The following INTS6 variants were observed in gnomAD, a reference collection of about 807,000 sequenced individuals.
INTS6 encodes integrator complex subunit 6, also known as DEAD box protein.
In INTS6, 16 loss-of-function variants were observed where a neutral mutation model predicts 104.9. The ratio of observed to expected loss-of-function variants is 0.15; its 90% confidence interval spans 0.10 to 0.23. INTS6 has a LOEUF of 0.23. Ranked by LOEUF, INTS6 falls within the 10% of genes least tolerant of loss-of-function variation. The pLI is 1.00. For synonymous variants in INTS6, 324 were observed against 358.7 expected (o/e 0.90, Z 1.09); for missense variants, 584 against 1,062.8 (o/e 0.55, Z 6.26).
intron 4 of INTS6, among the ~76,000 whole-genome samples, chr13:51,429,534 G>A (rs1957045490): frequency 6.6e-6 from 1 of 151,842 alleles, no homozygotes; most frequent in Non-Finnish European, 1.5e-5. Context: ...GAGAGGCCAA[G>A]GCAGGTGGAT....
intron 4 of INTS6, among the ~76,000 whole-genome samples, chr13:51,403,210 C>T (rs1956471795): frequency 6.6e-6 from 1 of 152,128 alleles, no homozygotes; most frequent in African/African-American, 2.4e-5. Flanking sequence ...AAACAGATGT[C>T]TCCTAGCATA....
chr13:51,377,971 C>T (rs61956937), intron 12 of INTS6, among the ~76,000 whole-genome samples: 6,952 of 152,194 alleles, frequency 0.046, 186 homozygotes, highest in East Asian at 0.1. Context: ...CCATCCACTA[C>T]TGCAACTTAA....
intron 5 of INTS6, among the ~76,000 whole-genome samples, chr13:51,389,972 A>G (rs1475588920): frequency 6.6e-6 from 1 of 152,150 alleles, no homozygotes; most frequent in Non-Finnish European, 1.5e-5. Context: ...GCATTTTAAT[A>G]TACAGATGGT....
intron 4 of INTS6, among the ~76,000 whole-genome samples, chr13:51,403,167 T>C (rs1454121115): frequency 3.3e-5 from 5 of 152,060 alleles, no homozygotes; most frequent in Non-Finnish European, 7.4e-5. Flanking sequence ...ATAAAAGAAG[T>C]TTATTTTTAA....
intron 3 of INTS6, chr13:51,439,873 A>G (rs1952761086): frequency 1.3e-5 from 2 of 152,208 alleles, no homozygotes; most frequent in Non-Finnish European, 2.9e-5. Flanking sequence ...TACAGCTGAA[A>G]AATTCCTATC....
chr13:51,348,286 G>A, the INTS6 span: 30 of 1,611,684 alleles, frequency 1.9e-5, no homozygotes, highest in African/African-American at 2.8e-4. Context: ...CAGTGAGTCT[G>A]TTCCTGGTGC....
chr13:51,353,155 G>A (rs191273284), downstream of INTS6, among the ~76,000 whole-genome samples: 3 of 152,156 alleles, frequency 2.0e-5, no homozygotes, highest in Non-Finnish European at 2.9e-5. Context: ...AGCCATACAA[G>A]ACAATCACTC....
intron 17 of INTS6, among the ~76,000 whole-genome samples, chr13:51,366,530 T>G (rs1379899473): frequency 6.6e-6 from 1 of 152,016 alleles, no homozygotes; most frequent in Non-Finnish European, 1.5e-5. Context: ...CCTACTTCCT[T>G]GCTACTTAGA....
intron 9 of INTS6, 112 bp from the exon 10 acceptor site, chr13:51,382,235 C>T: frequency 1.9e-6 from 1 of 518,382 alleles, no homozygotes. Flanking sequence ...GAGAGAGTAA[C>T]ATCAGACGTT....
the INTS6 span, chr13:51,341,042 G>T: frequency 1.1e-5 from 17 of 1,592,502 alleles, no homozygotes; most frequent in Non-Finnish European, 1.3e-5. Context: ...CCAGCTTCCA[G>T]CCTACCCTGC....
chr13:51,411,358 A>C (rs1335642030), intron 4 of INTS6, among the ~76,000 whole-genome samples: 1 of 148,900 alleles, frequency 6.7e-6, no homozygotes, highest in African/African-American at 2.6e-5. Context: ...GTTCGAGACC[A>C]GCCTGGCCAA....
chr13:51,367,795 G>A lies in INTS6; in HGVS notation c.2570+10C>T. 1 of 1,461,668 alleles carries A rather than the reference G, an allele frequency of 6.8e-7. No individual in the cohort carries two copies. Among genetic ancestry groups the A allele is most frequent in the South Asian group, 1.2e-5 (1 of 83,256 alleles). The allele number at this position is 1,461,668 out of a possible 1,614,324, so 90.5% of individuals were successfully genotyped here. ...CATCACCATTTCATTATATGCAATA[G>A]TTTATTTACCTTGATGCTTCTTTAA... On this transcript the variant is annotated intron_variant, in intron 17 of 17. Coordinates refer to ENST00000311234, the MANE Select transcript of INTS6 (RefSeq NM_012141.3).
chr13:51,413,512 A>G (rs904415838), intron 4 of INTS6, among the ~76,000 whole-genome samples: 3 of 152,234 alleles, frequency 2.0e-5, no homozygotes, highest in Non-Finnish European at 4.4e-5. Context: ...AAGATGAGAA[A>G]ACTGAAACTC....
chr13:51,347,181 A>G, the INTS6 span: 11 of 1,613,818 alleles, frequency 6.8e-6, no homozygotes, highest in Admixed American at 1.7e-5. Flanking sequence ...ACCTGTGCCT[A>G]TGGCCTCGTC....
Position 51,423,418 on chromosome 13 carries a change from T to C in INTS6, c.429+6876A>G, listed in dbSNP as rs536833812. ...TGGCTTAGTAAGGATACCAGAATAC[T>C]ATACCATCCTTTGGATAAAAATTCC... On this transcript the variant is annotated intron_variant, in intron 4 of 17. Transcript: ENST00000311234. Among the ~76,000 whole-genome samples the C allele has an allele frequency of 2.0e-5, 3 of 152,160 alleles. No individual in the cohort carries two copies. The East Asian group carries it at 5.8e-4, about 29-fold the overall frequency.
Position 51,361,715 on chromosome 13 carries a change from TTGA to T in INTS6, c.*4034_*4036del. 8.7e-7 allele frequency: 1 copy of T among 1,145,542 alleles called. No homozygotes were observed. The highest frequency in any genetic ancestry group is 1.2e-6 in the Non-Finnish European group (1 of 826,762). The allele number at this position is 1,145,542 out of a possible 1,614,324, so 71.0% of individuals were successfully genotyped here. On this transcript the variant is annotated 3_prime_UTR_variant, in exon 18 of 18. Transcript: ENST00000311234. ...AACAATCAAATGCCATTAGGATGCTTTGATTTCTTAAAAAATTAACTTACTTCA... is the reference window on the plus strand; with the variant it reads ...AACAATCAAATGCCATTAGGATGCTTTTTCTTAAAAAATTAACTTACTTCA...
At chr13:51,393,316 A>G (rs1270819981) in intron 5 of INTS6, among the ~76,000 whole-genome samples, 1 of 152,092 alleles carries the variant, frequency 6.6e-6, no homozygotes, top group African/African-American at 2.4e-5. Flanking sequence ...GACCTCAGGT[A>G]ATCCGCCCAC....
intron 4 of INTS6, among the ~76,000 whole-genome samples, chr13:51,422,475 T>A (rs962380694): frequency 2.0e-5 from 3 of 152,136 alleles, no homozygotes; most frequent in African/African-American, 7.2e-5. Context: ...GCCTTTTTTC[T>A]CCTATCTTAC....
rs1243846658 is a variant in INTS6 at position 51,392,460 on chromosome 13, A to T, written c.613+2840T>A. ...GCCATTCAATATTTGGCCCCTGCCTACCTCTCTAAACCTAGCTATTACTCT... is the reference window on the plus strand; with the variant it reads ...GCCATTCAATATTTGGCCCCTGCCTTCCTCTCTAAACCTAGCTATTACTCT... On this transcript the variant is annotated intron_variant, in intron 5 of 17. Coordinates refer to ENST00000311234, the MANE Select transcript of INTS6 (RefSeq NM_012141.3). Among the ~76,000 whole-genome samples, 3 of 143,012 alleles carry T rather than the reference A, an allele frequency of 2.1e-5. No homozygotes were observed. The East Asian group carries it at 6.1e-4, about 29-fold the overall frequency. The allele number at this position is 143,012 out of a possible 152,430, so 93.8% of individuals were successfully genotyped here. A position where few individuals can be genotyped will look rare whatever the true frequency, so the allele number is the denominator to read the frequency against.
Sources: gnomAD v4.1 joint callset for allele counts (sites outside exome capture counted in the v4.1 genomes callset) on GRCh38, gnomAD v4.1.1 for gene constraint, MANE v1.5 for transcripts, NCBI Gene and HGNC (gene_info 2026-07-23, HGNC 2026-07-21) for gene names.